Variants in GINS2 observed in about 807,000 individuals in gnomAD.
GINS2 encodes DNA replication complex GINS protein PSF2.
Under a neutral mutation model 21.2 loss-of-function variants are expected in GINS2, and 23 were observed. That is an observed-to-expected ratio of 1.08 (90% CI 0.78 to 1.53). The LOEUF (loss-of-function observed/expected upper bound fraction) is 1.53. Ranked by LOEUF, GINS2 falls within the 40% of genes most tolerant of loss-of-function variation. GINS2 has a pLI of 0.00. For missense variants in GINS2, 323 were observed against 233.9 expected (o/e 1.38, Z -2.49); for synonymous variants, 118 against 85.6 (o/e 1.38, Z -2.09).
chr16:85,685,681 A>AC (rs1205519766), intron 2 of GINS2, among the ~76,000 whole-genome samples: 2 of 147,950 alleles, frequency 1.4e-5, no homozygotes, highest in Admixed American at 6.7e-5. Flanking sequence ...AAAAAAAAAA[A>AC]AAAAAAAAAA....
At chr16:85,686,020 C>CT (rs781161882) in intron 2 of GINS2, among the ~76,000 whole-genome samples, 1 of 151,618 alleles carries the variant, frequency 6.6e-6, no homozygotes, top group Non-Finnish European at 1.5e-5. Flanking sequence ...GATTTTTTTT[C>CT]CCTATAATAA....
intron 2 of GINS2, among the ~76,000 whole-genome samples, chr16:85,684,136 A>C (rs772686248): frequency 1.1e-4 from 17 of 152,170 alleles, no homozygotes; most frequent in Non-Finnish European, 1.9e-4. Context: ...GAAGCCCCGG[A>C]GTTCAAAACC....
chr16:85,688,525 G>A (rs993216306), intron 1 of GINS2, among the ~76,000 whole-genome samples: 13 of 152,204 alleles, frequency 8.5e-5, no homozygotes, highest in African/African-American at 3.1e-4. Flanking sequence ...CAGCCTGGGC[G>A]ACAGAGTGAC....
chr16:85,687,397 G>C, intron 2 of GINS2, 63 bp downstream of exon 2: 4 of 929,854 alleles, frequency 4.3e-6, no homozygotes, highest in Non-Finnish European at 6.4e-6. Context: ...CACCCCGTGG[G>C]AGAGGGCGTC....
In GINS2 at chr16:85,687,556, T is replaced by A; in HGVS notation, c.109A>T (p.Asn37Tyr). 1 of 1,570,268 alleles carries A rather than the reference T, an allele frequency of 6.4e-7. No individual in the cohort carries two copies. The highest frequency in any genetic ancestry group is 8.6e-7 in the Non-Finnish European group (1 of 1,164,306). ...GGCACTTCCACGGGTAAACCAGGGT[T>A]AAAAGGCCCCAGGTCCCCCTGCCAA... ...YLIGGDLGPF[N>Y]PGLPVEVPLW... The change falls in exon 2 of 5, where the codon AAC becomes TAC. Residue 37 changes from asparagine (N) to tyrosine (Y), a missense_variant. Physicochemically the swap from Asn to Tyr is moderately radical, Grantham distance 143. Coordinates refer to ENST00000253462, the MANE Select transcript of GINS2 (RefSeq NM_016095.3).
Position 85,681,204 on chromosome 16 carries a change from A to G in GINS2, c.305+378T>C, listed in dbSNP as rs59773167. Among the ~76,000 whole-genome samples, 465 of 152,384 alleles carry G rather than the reference A, an allele frequency of 3.1e-3. 3 individuals carry two copies. The highest frequency in any genetic ancestry group is 0.011 in the African/African-American group (454 of 41,604). On this transcript the variant is annotated intron_variant, in intron 3 of 4. Coordinates refer to ENST00000253462, the MANE Select transcript of GINS2 (RefSeq NM_016095.3). ...GGAGAAACAGGAGTAAAGCTGTGCT[A>G]AATAAAACACATACATGGCAAAGAA...
At chr16:85,681,167 C>T (rs1442926510) in intron 3 of GINS2, among the ~76,000 whole-genome samples, 1 of 152,226 alleles carries the variant, frequency 6.6e-6, no homozygotes, top group Non-Finnish European at 1.5e-5. Flanking sequence ...AACTCAAATC[C>T]ACCTACTCCA....
At chr16:85,680,317 G>A (rs13334688) in intron 3 of GINS2, among the ~76,000 whole-genome samples, 2 of 152,186 alleles carry the variant, frequency 1.3e-5, no homozygotes, top group Non-Finnish European at 1.5e-5. Flanking sequence ...ATTCAGCAGC[G>A]CCATTCAGTG....
In GINS2 at chr16:85,688,866, C is replaced by G; in HGVS notation, c.33G>C (p.Glu11Asp). MDAAEVEFLAEKELVTIIPNF... is the reference protein window; with the variant it reads MDAAEVEFLADKELVTIIPNF... The stretch of plus-strand genomic sequence containing the variant: ...TGGGGATAATGGTAACCAGCTCCTT[C>G]TCGGCGAGGAATTCGACCTCGGCAG... Residue 11 changes from glutamate to aspartate, a missense_variant, in exon 1 of 5, where the codon GAG becomes GAC. By Grantham distance (45) the Glu-to-Asp change is conservative. Transcript: ENST00000253462. 6.5e-7 allele frequency: 1 copy of G among 1,543,524 alleles called. No individual in the cohort carries two copies. Among genetic ancestry groups the G allele is most frequent in the African/African-American group, 1.4e-5 (1 of 72,246 alleles).
rs752631926 is a variant in GINS2 at position 85,685,670 on chromosome 16, CAAAAAAA to C, written c.205+1783_205+1789del. ...TGGGTGACAGAGCAAGACCCTTTCTCAAAAAAAAAAAAAAAAAAAAACCGTCTCAAAG... is the reference window on the plus strand; with the variant it reads ...TGGGTGACAGAGCAAGACCCTTTCTCAAAAAAAAAAAAAACCGTCTCAAAG... On this transcript the variant is annotated intron_variant, in intron 2 of 4. Transcript: ENST00000253462. Among the ~76,000 whole-genome samples the C allele has an allele frequency of 1.1e-4, 6 of 55,278 alleles. 1 individual carries two copies. In the East Asian group the frequency reaches 2.9e-3, roughly 26 times the overall value. The allele number at this position is 55,278 out of a possible 152,430, so 36.3% of individuals were successfully genotyped here. A position where few individuals can be genotyped will look rare whatever the true frequency, so the allele number is the denominator to read the frequency against.
intron 2 of GINS2, among the ~76,000 whole-genome samples, chr16:85,685,671 A>AG (rs2053768812): frequency 2.1e-5 from 1 of 47,878 alleles, no homozygotes; most frequent in South Asian, 9.8e-4. Flanking sequence ...ACCCTTTCTC[A>AG]AAAAAAAAAA....
At position 85,676,640 on chromosome 16, in the gene GINS2, C is replaced by G. The variant is rs1392196506; in HGVS notation, c.*1572G>C. On this transcript the variant is annotated 3_prime_UTR_variant, in exon 5 of 5. Coordinates refer to ENST00000253462, the MANE Select transcript of GINS2 (RefSeq NM_016095.3). ...TTAGGCTCAGCCTGTCACACATGCG[C>G]ATTCTCAGAGCTCCCCAGACAGCAC... The G allele has an allele frequency of 6.6e-6, 1 of 152,272 alleles. No individual in the cohort carries two copies. The highest frequency in any genetic ancestry group is 2.4e-5 in the African/African-American group (1 of 41,460). The allele number at this position is 152,272 out of a possible 1,614,324, so 9.4% of individuals were successfully genotyped here.
chr16:85,682,260 C>A lies in GINS2; in HGVS notation c.206-579G>T, dbSNP rs139285408. Among the ~76,000 whole-genome samples the A allele has an allele frequency of 9.9e-5, 15 of 152,216 alleles. No homozygotes were observed. In the East Asian group the frequency reaches 2.7e-3, roughly 27 times the overall value. On this transcript the variant is annotated intron_variant, in intron 2 of 4. Transcript: ENST00000253462. ...AAACTCCTGTGCTCAAGTGATCGCCCTGCCTCAGCTTCTCGAAGTGCTGGG... is the reference window on the plus strand; with the variant it reads ...AAACTCCTGTGCTCAAGTGATCGCCATGCCTCAGCTTCTCGAAGTGCTGGG...
At chr16:85,684,059 A>C (rs530897023) in intron 2 of GINS2, among the ~76,000 whole-genome samples, 1 of 152,350 alleles carries the variant, frequency 6.6e-6, no homozygotes, top group South Asian at 2.1e-4. Flanking sequence ...CTTATTAAGA[A>C]TAGCCAAAAA....
intron 2 of GINS2, among the ~76,000 whole-genome samples, chr16:85,685,705 G>C (rs2053771073): frequency 1.0e-5 from 1 of 100,336 alleles, no homozygotes; most frequent in African/African-American, 3.7e-5. Flanking sequence ...TCTCAAAGCA[G>C]AGGAACTGGG....
intron 3 of GINS2, among the ~76,000 whole-genome samples, chr16:85,679,330 A>T (rs2152050884): frequency 1.3e-5 from 2 of 152,360 alleles, no homozygotes; most frequent in South Asian, 4.1e-4. Context: ...CAAGGGATGA[A>T]GGAAGGCTTT....
rs376097684 is a variant in GINS2, at chr16:85,676,563, G to A, written c.*1649C>T. 1.3e-5 allele frequency: 2 copies of A among 152,260 alleles called. No individual in the cohort carries two copies. The highest frequency in any genetic ancestry group is 2.9e-5 in the Non-Finnish European group (2 of 68,080). The allele number at this position is 152,260 out of a possible 1,614,324, so 9.4% of individuals were successfully genotyped here. A position where few individuals can be genotyped will look rare whatever the true frequency, so the allele number is the denominator to read the frequency against. On this transcript the variant is annotated 3_prime_UTR_variant, in exon 5 of 5. Coordinates refer to ENST00000253462, the MANE Select transcript of GINS2 (RefSeq NM_016095.3). ...GGACACGTGGGCAGCAACATGGAGT[G>A]ATAGTGTGCAGCATGCTAGACACTG...
chr16:85,684,381 G>C (rs1221942539), intron 2 of GINS2, among the ~76,000 whole-genome samples: 4 of 152,142 alleles, frequency 2.6e-5, no homozygotes, highest in African/African-American at 7.2e-5. Context: ...TGTAGTCCCA[G>C]CTACTAGGGA....
chr16:85,686,053 G>T (rs901097592), intron 2 of GINS2, among the ~76,000 whole-genome samples: 1 of 151,972 alleles, frequency 6.6e-6, no homozygotes, highest in Non-Finnish European at 1.5e-5. Flanking sequence ...TCCAAGAGAA[G>T]AAAAAGATTT....
Sources: allele counts gnomAD v4.1 joint callset (sites outside exome capture counted in the v4.1 genomes callset), GRCh38; gene constraint gnomAD v4.1.1; transcripts MANE v1.5; gene names NCBI Gene and HGNC (gene_info 2026-07-23, HGNC 2026-07-21).